ST6GALNAC5: variants seen among roughly 807,000 people sequenced by gnomAD.
ST6GALNAC5 encodes the protein alpha-N-acetylgalactosaminide alpha-2,6-sialyltransferase 5.
ST6GALNAC5 carries 27 observed loss-of-function variants against 33.6 expected under a neutral mutation model. That is an observed-to-expected ratio of 0.80 (90% CI 0.59 to 1.11). The LOEUF (loss-of-function observed/expected upper bound fraction) is 1.11, where lower values mean the gene tolerates loss of function less well. Among genes scored for constraint, ST6GALNAC5 ranks in the 50% least tolerant of loss-of-function variants. ST6GALNAC5 has a pLI of 0.00. For synonymous variants in ST6GALNAC5, 194 were observed against 171.2 expected, an observed-to-expected ratio of 1.13 and a Z score of -1.04; for missense variants, 428 against 454.0, an observed-to-expected ratio of 0.94 and a Z score of 0.52.
intron 4 of ST6GALNAC5, among the ~76,000 whole-genome samples, chr1:77,061,551 T>C (rs571318508): frequency 4.6e-5 from 7 of 152,228 alleles, no homozygotes; most frequent in Non-Finnish European, 1.0e-4. Context: ...AAAGATGATT[T>C]GCAAGATGCT....
At chr1:77,049,174 A>G (rs1652128541) in intron 3 of ST6GALNAC5, among the ~76,000 whole-genome samples, 1 of 152,150 alleles carries the variant, frequency 6.6e-6, no homozygotes, top group Non-Finnish European at 1.5e-5. Context: ...CTTATATGAA[A>G]TGAAAATAAT....
chr1:76,942,666 T>G (rs1260666070), intron 2 of ST6GALNAC5, among the ~76,000 whole-genome samples: 1 of 152,118 alleles, frequency 6.6e-6, no homozygotes, highest in Non-Finnish European at 1.5e-5. Context: ...CTTCAGGATC[T>G]AACTGAGTTG....
intron 2 of ST6GALNAC5, among the ~76,000 whole-genome samples, chr1:76,897,209 A>G (rs143557147): frequency 0.018 from 2,730 of 152,236 alleles, 87 homozygotes; most frequent in African/African-American, 0.062. Flanking sequence ...AAAGCAAAGA[A>G]AGGCTGGGAT....
intron 2 of ST6GALNAC5, among the ~76,000 whole-genome samples, chr1:76,915,237 T>C (rs1646958073): frequency 2.6e-5 from 4 of 151,640 alleles, no homozygotes; most frequent in Admixed American, 2.6e-4. Flanking sequence ...ACTTTTACAC[T>C]GTTGGTGGGA....
At chr1:76,875,847 A>T (rs1433036964) in intron 2 of ST6GALNAC5, among the ~76,000 whole-genome samples, 1 of 151,858 alleles carries the variant, frequency 6.6e-6, no homozygotes, top group Non-Finnish European at 1.5e-5. Context: ...AAGTACTGTC[A>T]CCTAGTTGGC....
rs1194144671 is a variant in ST6GALNAC5 at position 76,867,604 on chromosome 1, A to C, written c.-72A>C. 1 of 1,613,088 alleles carries C rather than the reference A, an allele frequency of 6.2e-7. No homozygotes were observed. The highest frequency in any genetic ancestry group is 1.7e-5 in the Admixed American group (1 of 60,004). ...AGCCGCCTCCGCCCCATTACCCATC[A>C]TGGAAACCCTCCAGGAAAAAGTGGC... On this transcript the variant is annotated 5_prime_UTR_variant, in exon 1 of 5. It removes an upstream start codon present in the reference 5' UTR. Transcript: ENST00000477717.
At chr1:76,899,445 G>A (rs112694764) in intron 2 of ST6GALNAC5, among the ~76,000 whole-genome samples, 4 of 151,988 alleles carry the variant, frequency 2.6e-5, no homozygotes, top group African/African-American at 9.7e-5. Flanking sequence ...ATAAGAGGTC[G>A]GGGCACAGAA....
At chr1:76,905,649 A>G (rs140178886) in intron 2 of ST6GALNAC5, among the ~76,000 whole-genome samples, 192 of 152,304 alleles carry the variant, frequency 1.3e-3, no homozygotes, top group African/African-American at 4.4e-3. Flanking sequence ...TAAAAATTCT[A>G]TGTGTTGATA....
chr1:77,062,506 G>T (rs528641602), intron 4 of ST6GALNAC5, among the ~76,000 whole-genome samples: 1 of 152,250 alleles, frequency 6.6e-6, no homozygotes, highest in South Asian at 2.1e-4. Context: ...CCACAAGGCT[G>T]GGTGGATTAG....
intron 2 of ST6GALNAC5, among the ~76,000 whole-genome samples, chr1:76,923,522 G>A (rs1433647745): frequency 3.3e-5 from 5 of 151,936 alleles, no homozygotes; most frequent in East Asian, 1.9e-4. Flanking sequence ...GTGAAACCCC[G>A]TCTGTACTAA....
intron 2 of ST6GALNAC5, among the ~76,000 whole-genome samples, chr1:77,038,696 A>G (rs759037318): frequency 6.6e-6 from 1 of 152,208 alleles, no homozygotes; most frequent in Non-Finnish European, 1.5e-5. Context: ...CACAGGGAGA[A>G]TTCCTTCTGC....
At chr1:76,964,509 A>G (rs775440987) in intron 2 of ST6GALNAC5, among the ~76,000 whole-genome samples, 4 of 152,096 alleles carry the variant, frequency 2.6e-5, no homozygotes, top group Non-Finnish European at 5.9e-5. Flanking sequence ...TCTGATTTTT[A>G]TAATTGCTTG....
At chr1:77,009,574 C>T (rs573749659) in intron 2 of ST6GALNAC5, among the ~76,000 whole-genome samples, 11 of 152,022 alleles carry the variant, frequency 7.2e-5, no homozygotes, top group Non-Finnish European at 1.5e-4. Flanking sequence ...GTTACATGAG[C>T]GACATCAACT....
chr1:77,007,315 C>T (rs990081749), intron 2 of ST6GALNAC5, among the ~76,000 whole-genome samples: 13 of 152,198 alleles, frequency 8.5e-5, no homozygotes, highest in Non-Finnish European at 1.8e-4. Flanking sequence ...CCCTCTGAAC[C>T]ACATGCCCCA....
At chr1:76,872,124 A>G (rs1653524291) in intron 2 of ST6GALNAC5, among the ~76,000 whole-genome samples, 1 of 150,536 alleles carries the variant, frequency 6.6e-6, no homozygotes, top group Non-Finnish European at 1.5e-5. Flanking sequence ...CACACCACAC[A>G]CATTAAATCA....
chr1:76,982,472 TA>T (rs1310555439), intron 2 of ST6GALNAC5, among the ~76,000 whole-genome samples: 1 of 150,704 alleles, frequency 6.6e-6, no homozygotes, highest in Admixed American at 6.6e-5. Flanking sequence ...GCAAAAAGAG[TA>T]AAAAGAAATG....
At chr1:77,007,957 C>A (rs1557758787) in intron 2 of ST6GALNAC5, among the ~76,000 whole-genome samples, 1 of 152,220 alleles carries the variant, frequency 6.6e-6, no homozygotes, top group Non-Finnish European at 1.5e-5. Context: ...TCCAGCTGAG[C>A]AGTGATGGAT....
chr1:76,933,972 G>T (rs922060138), intron 2 of ST6GALNAC5, among the ~76,000 whole-genome samples: 1 of 151,856 alleles, frequency 6.6e-6, no homozygotes, highest in East Asian at 1.9e-4. Context: ...TACACATAAT[G>T]CCACTTCCTC....
chr1:76,999,364 T>A (rs539912961), intron 2 of ST6GALNAC5, among the ~76,000 whole-genome samples: 47 of 152,324 alleles, frequency 3.1e-4, no homozygotes, highest in African/African-American at 1.1e-3. Flanking sequence ...TGTACCTGCC[T>A]TTTAATTATG....
Sources: gnomAD v4.1 joint callset for allele counts (sites outside exome capture counted in the v4.1 genomes callset) on GRCh38, gnomAD v4.1.1 for gene constraint, MANE v1.5 for transcripts, NCBI Gene and HGNC (gene_info 2026-07-23, HGNC 2026-07-21) for gene names.